The following ARFGEF2 variants were observed in gnomAD, a reference collection of about 807,000 sequenced individuals.
The protein encoded by ARFGEF2 is ARF guanine nucleotide exchange factor 2.
In ARFGEF2, 74 loss-of-function variants were observed where a neutral mutation model predicts 219.9. The ratio of observed to expected loss-of-function variants is 0.34; its 90% CI spans 0.28 to 0.41. ARFGEF2 has a LOEUF of 0.41. Among genes scored for constraint, ARFGEF2 ranks in the 10% least tolerant of loss-of-function variants. The pLI is 1.00. For synonymous variants in ARFGEF2, 733 were observed against 799.2 expected, an observed-to-expected ratio of 0.92 and a Z score of 1.40; for missense variants, 1,743 against 2,218.3, an observed-to-expected ratio of 0.79 and a Z score of 4.30.
intron 14 of ARFGEF2, among the ~76,000 whole-genome samples, chr20:48,984,063 A>G (rs557103563): frequency 6.6e-6 from 1 of 152,058 alleles, no homozygotes; most frequent in East Asian, 1.9e-4. Context: ...AAAAGTAGAG[A>G]AAGAAAAAAA....
intron 18 of ARFGEF2, 97 bp downstream of exon 18, chr20:48,988,759 C>T: frequency 9.2e-7 from 1 of 1,084,318 alleles, no homozygotes. Flanking sequence ...ATGTGCATAG[C>T]TGGATATCTG....
chr20:48,976,274 T>C lies in ARFGEF2; in HGVS notation c.1958+75T>C, dbSNP rs1332251931. ...TCTCTGGGAACCTGGAACTGATTCC[T>C]AAAAAGGAAATGCCTGTTTACAAAA... On this transcript the variant is annotated intron_variant, in intron 14 of 38. Coordinates refer to ENST00000371917, the MANE Select transcript of ARFGEF2 (RefSeq NM_006420.3). The C allele has an allele frequency of 3.2e-6, 5 of 1,556,850 alleles. No homozygotes were observed. In the African/African-American group the frequency reaches 4.1e-5, roughly 13 times the overall value.
intron 8 of ARFGEF2, among the ~76,000 whole-genome samples, chr20:48,968,033 G>A (rs1267978188): frequency 6.6e-6 from 1 of 152,008 alleles, no homozygotes; most frequent in East Asian, 1.9e-4. Context: ...TCGCTCTGTT[G>A]CCCAGGCTGG....
rs780849949 is a variant in ARFGEF2 at position 48,995,831 on chromosome 20, A to G, written c.3170A>G (p.Gln1057Arg). Reference protein sequence around the residue: ...GVDKRQMASFQESVGETSSQS... With the variant: ...GVDKRQMASFRESVGETSSQS... ...GATAAAAGACAGATGGCCAGCTTCC[A>G]AGAATCGGTTGGTGAGACCAGCTCG... The change falls in exon 23 of 39, where the codon CAA (glutamine) becomes CGA (arginine). Residue 1057 changes from glutamine to arginine, a missense_variant. Physicochemically the swap from Gln to Arg is conservative, Grantham distance 43. This residue lies in a region of ARFGEF2 where 666 missense variants were observed against 955.4 expected (regional missense o/e 0.70). Transcript: ENST00000371917. 6.2e-7 allele frequency: 1 copy of G among 1,614,210 alleles called. No homozygotes were observed. Among genetic ancestry groups the G allele is most frequent in the South Asian group, 1.1e-5 (1 of 91,086 alleles).
At chr20:48,953,492 T>G (rs1406392234) in intron 5 of ARFGEF2, 64 bp from the exon 6 acceptor site, 1 of 1,508,694 alleles carries the variant, frequency 6.6e-7, no homozygotes, top group African/African-American at 1.4e-5. Flanking sequence ...ATTTTTTAAG[T>G]AATAGGCTGG....
In ARFGEF2 at chr20:48,993,323, G is replaced by A. The variant is rs1018635056; in HGVS notation, c.2974-1128G>A. On this transcript the variant is annotated intron_variant, in intron 21 of 38. Coordinates refer to ENST00000371917, the MANE Select transcript of ARFGEF2 (RefSeq NM_006420.3). Reference sequence around the variant, plus strand: ...ATAAGCCCTTGACCTTTCAGTATTGGTGACGTACTTGAGATTCCAGCTGTC... The same window carrying A: ...ATAAGCCCTTGACCTTTCAGTATTGATGACGTACTTGAGATTCCAGCTGTC... Among the ~76,000 whole-genome samples the A allele has an allele frequency of 2.0e-5, 3 of 152,278 alleles. No individual in the cohort carries two copies. In the South Asian group the frequency reaches 6.2e-4, roughly 32 times the overall value.
intron 18 of ARFGEF2, among the ~76,000 whole-genome samples, chr20:48,988,895 TC>T (rs975282894): frequency 6.6e-6 from 1 of 152,218 alleles, no homozygotes; most frequent in Non-Finnish European, 1.5e-5. Context: ...ACTAAATTAC[TC>T]CCAAAAAGTG....
chr20:48,967,512 C>G (rs1438427378), intron 8 of ARFGEF2, among the ~76,000 whole-genome samples: 1 of 152,154 alleles, frequency 6.6e-6, no homozygotes, highest in Non-Finnish European at 1.5e-5. Context: ...CTTCTGTATT[C>G]CCAGCTACTC....
intron 1 of ARFGEF2, among the ~76,000 whole-genome samples, chr20:48,930,633 A>G (rs1026488319): frequency 6.6e-6 from 1 of 152,112 alleles, no homozygotes; most frequent in African/African-American, 2.4e-5. Flanking sequence ...GGAGGGAGGA[A>G]GTTGATCTGA....
chr20:48,936,325 G>A (rs1192197551), intron 1 of ARFGEF2, among the ~76,000 whole-genome samples: 13 of 150,386 alleles, frequency 8.6e-5, no homozygotes, highest in Admixed American at 3.9e-4. Flanking sequence ...CCTCCCGGAC[G>A]GGGCGGCTGG....
intron 26 of ARFGEF2, among the ~76,000 whole-genome samples, chr20:49,009,764 C>G (rs1024148173): frequency 6.6e-6 from 1 of 152,262 alleles, no homozygotes; most frequent in East Asian, 1.9e-4. Context: ...ACCCAAAAAT[C>G]TTAAGAAGAT....
intron 20 of ARFGEF2, 54 bp downstream of exon 20, chr20:48,989,738 A>G: frequency 6.2e-7 from 1 of 1,611,318 alleles, no homozygotes. Context: ...GCTCTTTTAG[A>G]TTTGGCAAAA....
At chr20:48,970,492 C>G (rs991090200) in intron 9 of ARFGEF2, among the ~76,000 whole-genome samples, 2 of 151,944 alleles carry the variant, frequency 1.3e-5, no homozygotes, top group Admixed American at 6.6e-5. Flanking sequence ...CGCCTGTAAT[C>G]CCAGCTACTC....
At chr20:48,932,514 T>C (rs1004781537) in intron 1 of ARFGEF2, among the ~76,000 whole-genome samples, 1 of 151,872 alleles carries the variant, frequency 6.6e-6, no homozygotes, top group African/African-American at 2.4e-5. Context: ...CGGAGACAGG[T>C]GAAAAGGGGA....
At position 48,998,285 on chromosome 20, in the gene ARFGEF2, T is replaced by C. The variant is rs779052612; in HGVS notation, c.3263-51T>C. 8 of 1,614,200 alleles carry C rather than the reference T, an allele frequency of 5.0e-6. No homozygotes were observed. In the South Asian group the frequency reaches 8.8e-5, roughly 18 times the overall value. On this transcript the variant is annotated intron_variant, in intron 24 of 38. Coordinates refer to ENST00000371917, the MANE Select transcript of ARFGEF2 (RefSeq NM_006420.3). ...CTGCAGAAGCCTCACGCTGTGACCG[T>C]CTGACTGTTCCTAACGAGGCTTTGC...
chr20:49,023,311 T>C (rs904211768), intron 35 of ARFGEF2, 130 bp downstream of exon 35: 1 of 1,251,826 alleles, frequency 8.0e-7, no homozygotes, highest in Non-Finnish European at 1.1e-6. Flanking sequence ...AACCTCACAT[T>C]CAGTGATGGC....
At chr20:49,019,290 A>G (rs150021618) in intron 34 of ARFGEF2, among the ~76,000 whole-genome samples, 3 of 152,204 alleles carry the variant, frequency 2.0e-5, no homozygotes, top group Admixed American at 2.0e-4. Flanking sequence ...TGACATATAC[A>G]TTCACACACA....
Position 49,034,021 on chromosome 20 carries a change from A to G in ARFGEF2, c.*822A>G, listed in dbSNP as rs546562296. Reference sequence around the variant, plus strand: ...ATTTCCAGAATACACTGTCCATCTCACACACTCTGAAATCTAATATATGAA... The same window carrying G: ...ATTTCCAGAATACACTGTCCATCTCGCACACTCTGAAATCTAATATATGAA... On this transcript the variant is annotated 3_prime_UTR_variant, in exon 39 of 39. Coordinates refer to ENST00000371917, the MANE Select transcript of ARFGEF2 (RefSeq NM_006420.3). The G allele has an allele frequency of 9.2e-5, 14 of 152,220 alleles. No individual in the cohort carries two copies. The highest frequency in any genetic ancestry group is 1.6e-4 in the Non-Finnish European group (11 of 68,040). The allele number at this position is 152,220 out of a possible 1,614,324, so 9.4% of individuals were successfully genotyped here. A position where few individuals can be genotyped will look rare whatever the true frequency, so the allele number is the denominator to read the frequency against.
Position 48,972,411 on chromosome 20 carries a change from C to T in ARFGEF2, c.1511C>T (p.Thr504Met), listed in dbSNP as rs1159302019. Residue 504 changes from threonine to methionine, a missense_variant, in exon 11 of 39, where the codon ACG (threonine) becomes ATG (methionine). Thr to Met is a moderately conservative substitution (Grantham distance 81, BLOSUM62 -1). Coordinates refer to ENST00000371917, the MANE Select transcript of ARFGEF2 (RefSeq NM_006420.3). ...AGGTGGATGGTCATTCAGACTCTGACGAGGATCTGTGCAGGTATTTCCACC... is the reference window on the plus strand; with the variant it reads ...AGGTGGATGGTCATTCAGACTCTGATGAGGATCTGTGCAGGTATTTCCACC... Reference protein sequence around the residue: ...EHRWMVIQTLTRICADAQCVV... With the variant: ...EHRWMVIQTLMRICADAQCVV... The T allele has an allele frequency of 4.3e-6, 7 of 1,613,400 alleles. No homozygotes were observed. Among genetic ancestry groups the T allele is most frequent in the African/African-American group, 2.7e-5 (2 of 74,912 alleles).
Sources: gnomAD v4.1 joint callset for allele counts (sites outside exome capture counted in the v4.1 genomes callset) on GRCh38, gnomAD v4.1.1 for gene constraint, gnomAD v4.1.1 regional missense constraint, MANE v1.5 for transcripts, NCBI Gene and HGNC (gene_info 2026-07-23, HGNC 2026-07-21) for gene names.